Variants in PTPRT observed in about 807,000 individuals in gnomAD.
PTPRT encodes the protein protein tyrosine phosphatase receptor type T.
PTPRT carries 56 observed loss-of-function variants against 176.8 expected under a neutral mutation model. That is an observed-to-expected ratio of 0.32 (90% CI 0.26 to 0.40). The LOEUF (loss-of-function observed/expected upper bound fraction) is 0.40. Among genes scored for constraint, PTPRT ranks in the 10% least tolerant of loss-of-function variants. The pLI is 1.00. For synonymous variants in PTPRT, 783 were observed against 739.0 expected (o/e 1.06, Z -0.96); for missense variants, 1,540 against 1,908.2 (o/e 0.81, Z 3.60).
intron 13 of PTPRT, among the ~76,000 whole-genome samples, chr20:42,280,424 T>C (rs990207208): frequency 6.6e-6 from 1 of 152,136 alleles, no homozygotes; most frequent in Non-Finnish European, 1.5e-5. Flanking sequence ...TGGAGCCTCA[T>C]TTCTTTGGGT....
At chr20:42,161,298 C>G in intron 17 of PTPRT, 54 bp downstream of exon 17, 1 of 1,599,820 alleles carries the variant, frequency 6.3e-7, no homozygotes, top group Non-Finnish European at 8.6e-7. Context: ...GGCTTTAGTG[C>G]CCAAATAAGC....
At chr20:42,368,085 C>G (rs1020132960) in intron 9 of PTPRT, among the ~76,000 whole-genome samples, 2 of 152,128 alleles carry the variant, frequency 1.3e-5, no homozygotes, top group African/African-American at 4.8e-5. Context: ...TTCCTGGGCC[C>G]AGGGGATGCT....
intron 7 of PTPRT, among the ~76,000 whole-genome samples, chr20:42,506,014 G>A (rs2071837815): frequency 6.6e-6 from 1 of 152,070 alleles, no homozygotes; most frequent in African/African-American, 2.4e-5. Flanking sequence ...TGGCAATAAA[G>A]TCACTTTCAG....
chr20:43,087,271 T>C (rs2011633543), intron 1 of PTPRT, among the ~76,000 whole-genome samples: 1 of 152,184 alleles, frequency 6.6e-6, no homozygotes, highest in East Asian at 1.9e-4. Context: ...TGCATTGATT[T>C]TGTTTGTTAA....
At chr20:42,202,064 G>A (rs1345802389) in intron 15 of PTPRT, among the ~76,000 whole-genome samples, 1 of 151,894 alleles carries the variant, frequency 6.6e-6, no homozygotes, top group East Asian at 1.9e-4. Context: ...CTGCCTCCCA[G>A]GCTCAAGTAA....
chr20:43,074,339 A>T (rs2011225115), intron 1 of PTPRT, among the ~76,000 whole-genome samples: 1 of 152,218 alleles, frequency 6.6e-6, no homozygotes, highest in Non-Finnish European at 1.5e-5. Flanking sequence ...GTGTAAAAAG[A>T]TCAGTTTCCC....
intron 1 of PTPRT, among the ~76,000 whole-genome samples, chr20:43,174,014 G>T (rs1297950824): frequency 6.6e-6 from 1 of 152,214 alleles, no homozygotes; most frequent in Non-Finnish European, 1.5e-5. Context: ...TCTGCCTCAT[G>T]GGATCATTAT....
At chr20:42,451,533 A>T (rs2070827346) in intron 8 of PTPRT, among the ~76,000 whole-genome samples, 1 of 152,192 alleles carries the variant, frequency 6.6e-6, no homozygotes, top group Non-Finnish European at 1.5e-5. Flanking sequence ...TCTAAGACTA[A>T]GTGAAGAAGA....
intron 7 of PTPRT, among the ~76,000 whole-genome samples, chr20:42,558,443 G>C (rs908523594): frequency 6.6e-6 from 1 of 152,086 alleles, no homozygotes; most frequent in Admixed American, 6.6e-5. Flanking sequence ...ACATGTATGT[G>C]TGTTTATAAT....
intron 4 of PTPRT, among the ~76,000 whole-genome samples, chr20:42,772,498 T>C (rs1349424214): frequency 6.6e-6 from 1 of 152,220 alleles, no homozygotes; most frequent in Non-Finnish European, 1.5e-5. Flanking sequence ...ATGTTTTATA[T>C]TGGGTAACCT....
rs7271971 is a variant in PTPRT at position 43,020,092 on chromosome 20, A to G, written c.89-134160T>C. Among the ~76,000 whole-genome samples, 6 of 141,478 alleles carry G rather than the reference A, an allele frequency of 4.2e-5. No homozygotes were observed. In the East Asian group the frequency reaches 6.0e-4, roughly 14 times the overall value. The allele number at this position is 141,478 out of a possible 152,430, so 92.8% of individuals were successfully genotyped here. A position where few individuals can be genotyped will look rare whatever the true frequency, so the allele number is the denominator to read the frequency against. ...TCTTTCTATATATATGTGAGTGTGT[A>G]TGTGTGTGTGTGTGTGTGTATATAT... On this transcript the variant is annotated intron_variant, in intron 1 of 30. Transcript: ENST00000373187.
At chr20:42,879,938 T>C (rs1411358375) in intron 2 of PTPRT, among the ~76,000 whole-genome samples, 4 of 152,190 alleles carry the variant, frequency 2.6e-5, no homozygotes, top group African/African-American at 9.7e-5. Context: ...TTGTTTTTTC[T>C]AACTCTAAAC....
At chr20:42,283,669 G>A (rs1200469726) in intron 12 of PTPRT, among the ~76,000 whole-genome samples, 1 of 151,980 alleles carries the variant, frequency 6.6e-6, no homozygotes, top group Non-Finnish European at 1.5e-5. Flanking sequence ...AGGGGAGAGA[G>A]TGCTAAAGGG....
chr20:42,758,488 CCAGGCTA>C (rs572686719), intron 5 of PTPRT, among the ~76,000 whole-genome samples: 1 of 152,092 alleles, frequency 6.6e-6, no homozygotes, highest in African/African-American at 2.4e-5. Context: ...GAGACTTGCT[CCAGGCTA>C]CAGGCTACAG....
At chr20:42,313,447 GTGGT>G (rs1337065617) in intron 12 of PTPRT, among the ~76,000 whole-genome samples, 1 of 151,966 alleles carries the variant, frequency 6.6e-6, no homozygotes, top group Non-Finnish European at 1.5e-5. Context: ...CAAAACCTCT[GTGGT>G]TGGCTCAGGG....
At chr20:42,173,127 C>T (rs562359649) in intron 16 of PTPRT, among the ~76,000 whole-genome samples, 25 of 152,230 alleles carry the variant, frequency 1.6e-4, no homozygotes, top group African/African-American at 4.3e-4. Context: ...CAGTGACTAG[C>T]GGTTATTATT....
chr20:42,310,690 A>AT (rs2057614776), intron 12 of PTPRT, among the ~76,000 whole-genome samples: 1 of 152,134 alleles, frequency 6.6e-6, no homozygotes, highest in South Asian at 2.1e-4. Flanking sequence ...CTATGATGCT[A>AT]TAGTTCTATA....
At chr20:42,918,591 G>A (rs184227922) in intron 1 of PTPRT, among the ~76,000 whole-genome samples, 13 of 152,106 alleles carry the variant, frequency 8.5e-5, no homozygotes, top group African/African-American at 3.1e-4. Context: ...TGTCCCCATT[G>A]CAACCACCCC....
At chr20:42,962,610 A>AGCC (rs1331412384) in intron 1 of PTPRT, among the ~76,000 whole-genome samples, 2 of 152,234 alleles carry the variant, frequency 1.3e-5, no homozygotes, top group African/African-American at 4.8e-5. Context: ...TCTTTACAAT[A>AGCC]CTGGGCTGAA....
Sources: allele counts gnomAD v4.1 joint callset (sites outside exome capture counted in the v4.1 genomes callset), GRCh38; gene constraint gnomAD v4.1.1; transcripts MANE v1.5; gene names NCBI Gene and HGNC (gene_info 2026-07-23, HGNC 2026-07-21).